The following DSCAM variants were observed in gnomAD, a reference collection of about 807,000 sequenced individuals.
DSCAM encodes cell adhesion molecule DSCAM.
A neutral mutation model predicts 217.7 loss-of-function variants in DSCAM; 47 were observed. The observed-to-expected ratio is 0.22, with a 90% confidence interval of 0.17 to 0.28. The LOEUF (loss-of-function observed/expected upper bound fraction) is 0.28, where lower values mean the gene tolerates loss of function less well. Ranked by LOEUF, DSCAM falls within the 10% of genes least tolerant of loss-of-function variation. The pLI is 1.00. For missense variants in DSCAM, 2,080 were observed against 2,618.3 expected (o/e 0.79, Z 4.49); for synonymous variants, 1,056 against 1,015.3 (o/e 1.04, Z -0.76).
chr21:40,083,896 A>G lies in DSCAM; in HGVS notation c.4231+12T>C. 3 of 1,600,480 alleles carry G rather than the reference A, an allele frequency of 1.9e-6. No individual in the cohort carries two copies. Among genetic ancestry groups the G allele is most frequent in the African/African-American group, 1.3e-5 (1 of 74,596 alleles). ...ACTAATCAACTATTGTGGACAATCT[A>G]TATCTTATTACCTCTGATAGAGCTG... On this transcript the variant is annotated intron_variant, in intron 24 of 32. Coordinates refer to ENST00000400454, the MANE Select transcript of DSCAM (RefSeq NM_001389.5).
At chr21:40,711,149 A>G (rs968441725) in intron 1 of DSCAM, among the ~76,000 whole-genome samples, 1 of 152,178 alleles carries the variant, frequency 6.6e-6, no homozygotes, top group African/African-American at 2.4e-5. Flanking sequence ...CAAATGTGGC[A>G]TAACAGTCCC....
chr21:40,389,515 G>A (rs1027056501), intron 3 of DSCAM, among the ~76,000 whole-genome samples: 1 of 152,090 alleles, frequency 6.6e-6, no homozygotes, highest in Non-Finnish European at 1.5e-5. Context: ...CATTAATACT[G>A]TCCAGGTATA....
chr21:40,197,030 G>A (rs1010766774), intron 11 of DSCAM, among the ~76,000 whole-genome samples: 4 of 152,142 alleles, frequency 2.6e-5, no homozygotes, highest in Non-Finnish European at 5.9e-5. Flanking sequence ...GCCTTTAAAT[G>A]GGCAAAAATA....
intron 1 of DSCAM, among the ~76,000 whole-genome samples, chr21:40,726,920 G>A (rs2090961614): frequency 6.6e-6 from 1 of 152,048 alleles, no homozygotes; most frequent in African/African-American, 2.4e-5. Context: ...AGAAGAGGAG[G>A]AGAGATCTGA....
chr21:40,508,101 C>T lies in DSCAM; in HGVS notation c.509-138856G>A, dbSNP rs566645791. Among the ~76,000 whole-genome samples the T allele has an allele frequency of 2.6e-5, 4 of 152,232 alleles. No homozygotes were observed. In the South Asian group the frequency reaches 6.2e-4, roughly 24 times the overall value. On this transcript the variant is annotated intron_variant, in intron 3 of 32. Transcript: ENST00000400454. ...TGTAGAGAAGGGGATGGAGTATGGA[C>T]GCAGTGTGGGTCCCAGCAGATTCCA...
chr21:40,671,162 TGAA>T (rs1172102150), intron 3 of DSCAM, among the ~76,000 whole-genome samples: 1 of 152,178 alleles, frequency 6.6e-6, no homozygotes, highest in Non-Finnish European at 1.5e-5. Context: ...TTTACTTTCC[TGAA>T]GAAATGTAAA....
intron 1 of DSCAM, among the ~76,000 whole-genome samples, chr21:40,760,350 T>G (rs1045858967): frequency 6.6e-6 from 1 of 152,128 alleles, no homozygotes; most frequent in Non-Finnish European, 1.5e-5. Context: ...GGCCCTTGCT[T>G]CACAGCTGCT....
chr21:40,139,706 GTGGGTGA>G (rs1196675141), intron 18 of DSCAM, among the ~76,000 whole-genome samples: 4 of 151,784 alleles, frequency 2.6e-5, no homozygotes, highest in African/African-American at 9.7e-5. Context: ...GTGTCATGTG[GTGGGTGA>G]TGTACATGCA....
Position 40,353,636 on chromosome 21 carries a change from C to G in DSCAM, c.763G>C (p.Asp255His). 10 of 1,612,486 alleles carry G rather than the reference C, an allele frequency of 6.2e-6. No homozygotes were observed. Among genetic ancestry groups the G allele is most frequent in the Non-Finnish European group, 6.8e-6 (8 of 1,179,622 alleles). The change falls in exon 5 of 33, where the codon GAT becomes CAT. Residue 255 changes from aspartate (D) to histidine (H), a missense_variant. Transcript: ENST00000400454. ...ATGTTGTCCTTCAGCCAGCGGTAAT[C>G]TGGCTCAGGGTGCCCGAGCGCTTTG... is the stretch of plus-strand genomic sequence containing the variant. ...PCKALGHPEP[D>H]YRWLKDNMPL...
chr21:40,668,822 G>T (rs2090234566), intron 3 of DSCAM, among the ~76,000 whole-genome samples: 1 of 152,144 alleles, frequency 6.6e-6, no homozygotes, highest in South Asian at 2.1e-4. Flanking sequence ...AGACCACCCA[G>T]AGATGCCTAA....
chr21:40,079,122 C>A (rs983404870), intron 25 of DSCAM, 145 bp from the exon 26 acceptor site: 9 of 853,310 alleles, frequency 1.1e-5, no homozygotes, highest in Non-Finnish European at 1.6e-5. Context: ...CAACTTGTCC[C>A]CTGTTAATAG....
chr21:40,409,197 A>C (rs1000676705), intron 3 of DSCAM, among the ~76,000 whole-genome samples: 16 of 152,242 alleles, frequency 1.1e-4, no homozygotes, highest in Admixed American at 2.6e-4. Context: ...ATGGCATTAA[A>C]AAGTTCCATT....
At chr21:40,840,805 A>G (rs1167917306) in intron 1 of DSCAM, among the ~76,000 whole-genome samples, 1 of 152,142 alleles carries the variant, frequency 6.6e-6, no homozygotes, top group Non-Finnish European at 1.5e-5. Context: ...AGGAAAGCAA[A>G]CTAAGAGGGG....
At chr21:40,593,183 T>G (rs457459) in intron 3 of DSCAM, among the ~76,000 whole-genome samples, 102,321 of 151,906 alleles carry the variant, frequency 0.67, 34,671 homozygotes, top group African/African-American at 0.74. Context: ...TTTTAATTTT[T>G]TTTTATTAAG....
intron 26 of DSCAM, among the ~76,000 whole-genome samples, chr21:40,077,706 G>A (rs539583761): frequency 6.6e-6 from 1 of 152,286 alleles, no homozygotes; most frequent in African/African-American, 2.4e-5. Flanking sequence ...ACAGGTAGAG[G>A]AGCACTTCCA....
chr21:40,556,678 AAT>A lies in DSCAM; in HGVS notation c.508+136130_508+136131del, dbSNP rs1320940233. 8.1e-4 allele frequency among the ~76,000 whole-genome samples: 123 copies of A among 151,894 alleles called. 3 individuals carry two copies. In the Middle Eastern group the frequency reaches 0.01, roughly 13 times the overall value. On this transcript the variant is annotated intron_variant, in intron 3 of 32. Transcript: ENST00000400454. ...CAGAGAGAGAGAGGGGAGGTACCAGAATCTTTTTAAATATCAGCTCTGGAGGG... is the reference window on the plus strand; with the variant it reads ...CAGAGAGAGAGAGGGGAGGTACCAGACTTTTTAAATATCAGCTCTGGAGGG...
At chr21:40,290,520 C>A (rs138685811) in intron 10 of DSCAM, among the ~76,000 whole-genome samples, 1 of 152,164 alleles carries the variant, frequency 6.6e-6, no homozygotes, top group African/African-American at 2.4e-5. Context: ...GCTTGGGAGG[C>A]TGAGGCAGAA....
intron 14 of DSCAM, among the ~76,000 whole-genome samples, chr21:40,182,692 C>T (rs1364524200): frequency 1.3e-4 from 12 of 95,642 alleles, no homozygotes; most frequent in African/African-American, 4.3e-4. Flanking sequence ...CCAGAGAAAC[C>T]GTGGACGGGG....
chr21:40,651,188 C>T (rs2090008995), intron 3 of DSCAM, among the ~76,000 whole-genome samples: 5 of 152,228 alleles, frequency 3.3e-5, no homozygotes, highest in Admixed American at 3.3e-4. Context: ...AACTCCAGGC[C>T]CTGTCTCCTG....
Sources: allele counts gnomAD v4.1 joint callset (sites outside exome capture counted in the v4.1 genomes callset), GRCh38; gene constraint gnomAD v4.1.1; transcripts MANE v1.5; gene names NCBI Gene and HGNC (gene_info 2026-07-23, HGNC 2026-07-21).